Variants in RNF122 observed in about 807,000 individuals in gnomAD.
The protein encoded by RNF122 is ring finger protein 122.
Under a neutral mutation model 24.2 loss-of-function variants are expected in RNF122, and 17 were observed. The ratio of observed to expected loss-of-function variants is 0.70; its 90% confidence interval spans 0.48 to 1.06. RNF122 has a LOEUF of 1.06. Ranked by LOEUF, RNF122 falls within the 50% of genes least tolerant of loss-of-function variation. The pLI is 0.00. For synonymous variants in RNF122, 65 were observed against 71.8 expected (o/e 0.91, Z 0.48); for missense variants, 168 against 198.1 (o/e 0.85, Z 0.91).
chr8:33,560,720 T>G (rs2128840258), intron 1 of RNF122, among the ~76,000 whole-genome samples: 1 of 152,154 alleles, frequency 6.6e-6, no homozygotes, highest in East Asian at 1.9e-4. Flanking sequence ...CTGGATGGCT[T>G]GAGGTCAGGA....
At chr8:33,563,200 C>T (rs1810567877) in intron 1 of RNF122, among the ~76,000 whole-genome samples, 1 of 152,082 alleles carries the variant, frequency 6.6e-6, no homozygotes, top group Non-Finnish European at 1.5e-5. Flanking sequence ...CCGGCCTAGC[C>T]TAGAGTTTGG....
intron 2 of RNF122, among the ~76,000 whole-genome samples, chr8:33,551,742 C>T (rs180834346): frequency 8.5e-5 from 13 of 152,188 alleles, no homozygotes; most frequent in East Asian, 7.7e-4. Flanking sequence ...ACTGAGTGTG[C>T]GGAAGTTAGA....
chr8:33,548,995 TG>T (rs1283951976), intron 5 of RNF122, 128 bp from the exon 6 acceptor site: 3 of 703,950 alleles, frequency 4.3e-6, no homozygotes, highest in Non-Finnish European at 7.7e-6. Flanking sequence ...CTGAGGCAGG[TG>T]GATCACCTGA....
intron 1 of RNF122, among the ~76,000 whole-genome samples, chr8:33,559,394 T>A (rs1810506116): frequency 6.6e-6 from 1 of 152,050 alleles, no homozygotes; most frequent in Non-Finnish European, 1.5e-5. Flanking sequence ...CCATATTGCC[T>A]TAGCTGAGAA....
intron 1 of RNF122, among the ~76,000 whole-genome samples, chr8:33,560,431 T>G (rs1810523279): frequency 6.6e-6 from 1 of 152,044 alleles, no homozygotes; most frequent in Non-Finnish European, 1.5e-5. Flanking sequence ...TGGAGTGCAG[T>G]GGTGTAAACA....
At chr8:33,551,600 C>G (rs989384731) in intron 2 of RNF122, among the ~76,000 whole-genome samples, 1 of 152,098 alleles carries the variant, frequency 6.6e-6, no homozygotes, top group African/African-American at 2.4e-5. Context: ...CAAAATTCAC[C>G]ACCAGGTCTC....
Position 33,548,545 on chromosome 8 carries a change from C to A in RNF122, c.*208G>T. The A allele has an allele frequency of 2.0e-6, 1 of 496,288 alleles. No individual in the cohort carries two copies. The highest frequency in any genetic ancestry group is 3.7e-6 in the Non-Finnish European group (1 of 273,860). 30.7% of individuals were successfully genotyped at this position (496,288 alleles called of 1,614,324 possible). Reference sequence around the variant, plus strand: ...GGGTGAGGCCACCAGCATGGAGTAGCAGGGAAGAAGGCTTCAGGAGGCAGG... The same window carrying A: ...GGGTGAGGCCACCAGCATGGAGTAGAAGGGAAGAAGGCTTCAGGAGGCAGG... On this transcript the variant is annotated 3_prime_UTR_variant, in exon 6 of 6. Coordinates refer to ENST00000256257, the MANE Select transcript of RNF122 (RefSeq NM_024787.3).
At chr8:33,552,407 TA>T (rs1810390470) in intron 2 of RNF122, among the ~76,000 whole-genome samples, 1 of 150,978 alleles carries the variant, frequency 6.6e-6, no homozygotes, top group Admixed American at 6.6e-5. Context: ...CTCATAAAAA[TA>T]AAAAAAGAAA....
intron 1 of RNF122, among the ~76,000 whole-genome samples, chr8:33,560,170 G>A (rs1653232315): frequency 6.6e-6 from 1 of 151,916 alleles, no homozygotes; most frequent in Non-Finnish European, 1.5e-5. Context: ...AGCTCCTCAG[G>A]TGATTCCCCT....
chr8:33,561,848 T>A (rs1810544862), intron 1 of RNF122, among the ~76,000 whole-genome samples: 1 of 151,972 alleles, frequency 6.6e-6, no homozygotes, highest in South Asian at 2.1e-4. Context: ...TGCCCCGCCC[T>A]CTCCTTGTCG....
chr8:33,563,647 G>A (rs115836798), intron 1 of RNF122, among the ~76,000 whole-genome samples: 1,700 of 152,238 alleles, frequency 0.011, 34 homozygotes, highest in African/African-American at 0.039. Context: ...TGGCTAGAGT[G>A]ACAAACTTCA....
chr8:33,558,843 G>C, intron 1 of RNF122, 72 bp from the exon 2 acceptor site: 1 of 1,272,998 alleles, frequency 7.9e-7, no homozygotes, highest in South Asian at 1.9e-5. Flanking sequence ...TGTGTCAGCA[G>C]GATAGAAATA....
At chr8:33,549,328 A>G in intron 5 of RNF122, 82 bp downstream of exon 5, 1 of 1,108,930 alleles carries the variant, frequency 9.0e-7, no homozygotes, top group Non-Finnish European at 1.4e-6. Flanking sequence ...GCAAATAGAA[A>G]GTGGCAGAGA....
At chr8:33,554,843 G>A (rs367612906) in intron 2 of RNF122, among the ~76,000 whole-genome samples, 1 of 152,228 alleles carries the variant, frequency 6.6e-6, no homozygotes, top group South Asian at 2.1e-4. Flanking sequence ...GTGTAGGGCA[G>A]AGGTCAGCTC....
chr8:33,551,004 C>G, intron 4 of RNF122, 40 bp downstream of exon 4: 1 of 1,606,498 alleles, frequency 6.2e-7, no homozygotes. Flanking sequence ...GTCTGCCTCA[C>G]CTGCTGGGGC....
At chr8:33,560,888 G>A (rs1264030020) in intron 1 of RNF122, among the ~76,000 whole-genome samples, 1 of 151,994 alleles carries the variant, frequency 6.6e-6, no homozygotes, top group Non-Finnish European at 1.5e-5. Context: ...CTGACATCGT[G>A]CCACTGTATT....
At chr8:33,556,728 C>T (rs561864138) in intron 2 of RNF122, among the ~76,000 whole-genome samples, 11 of 152,254 alleles carry the variant, frequency 7.2e-5, no homozygotes, top group South Asian at 2.1e-4. Context: ...CCCTCATCTC[C>T]GCTTAATGGT....
At chr8:33,551,540 C>CCTTTAT in intron 2 of RNF122, 151 bp from the exon 3 acceptor site, 1 of 756,160 alleles carries the variant, frequency 1.3e-6, no homozygotes, top group South Asian at 1.5e-5. Flanking sequence ...CCTATGCAAG[C>CCTTTAT]CAACAAGGGT....
chr8:33,551,954 C>T (rs531722009), intron 2 of RNF122, among the ~76,000 whole-genome samples: 2 of 152,278 alleles, frequency 1.3e-5, no homozygotes, highest in African/African-American at 4.8e-5. Flanking sequence ...AACGGGCTGA[C>T]TCTCAATGGC....
Sources: gnomAD v4.1 joint callset for allele counts (sites outside exome capture counted in the v4.1 genomes callset) on GRCh38, gnomAD v4.1.1 for gene constraint, MANE v1.5 for transcripts, NCBI Gene and HGNC (gene_info 2026-07-23, HGNC 2026-07-21) for gene names.